The following DICER1 variants were observed in gnomAD, a reference collection of about 807,000 sequenced individuals.
The protein encoded by DICER1 is endoribonuclease Dicer.
Under a neutral mutation model 194.1 loss-of-function variants are expected in DICER1, and 43 were observed. The ratio of observed to expected loss-of-function variants is 0.22; its 90% CI spans 0.17 to 0.29. The LOEUF (loss-of-function observed/expected upper bound fraction) is 0.29. Among genes scored for constraint, DICER1 ranks in the 10% least tolerant of loss-of-function variants. The pLI is 1.00. For synonymous variants in DICER1, 832 were observed against 820.5 expected, an observed-to-expected ratio of 1.01 and a Z score of -0.24; for missense variants, 1,608 against 2,317.0, an observed-to-expected ratio of 0.69 and a Z score of 6.28.
chr14:95,114,359 A>G (rs889765681), intron 11 of DICER1, among the ~76,000 whole-genome samples: 1 of 152,232 alleles, frequency 6.6e-6, no homozygotes, highest in Non-Finnish European at 1.5e-5. Flanking sequence ...TAACATCAAA[A>G]CAAACAGTAA....
At chr14:95,112,351 T>C (rs955423074) in intron 12 of DICER1, 104 bp from the exon 13 acceptor site, 16 of 934,390 alleles carry the variant, frequency 1.7e-5, no homozygotes, top group Non-Finnish European at 2.5e-5. Flanking sequence ...TAAAGTTCAA[T>C]TTACCAAAAC....
intron 1 of DICER1, among the ~76,000 whole-genome samples, chr14:95,151,339 C>T (rs1895499937): frequency 6.6e-6 from 1 of 152,144 alleles, no homozygotes; most frequent in East Asian, 1.9e-4. Flanking sequence ...CTAGACCATA[C>T]ATTTCAATAT....
chr14:95,103,238 A>G, intron 21 of DICER1, 108 bp downstream of exon 21: 2 of 1,274,782 alleles, frequency 1.6e-6, no homozygotes, highest in South Asian at 1.2e-5. Flanking sequence ...CCGGTGTAGC[A>G]ATTTCTGAGC....
chr14:95,107,549 C>T (rs1210186880), intron 17 of DICER1, 59 bp downstream of exon 17: 1 of 1,581,820 alleles, frequency 6.3e-7, no homozygotes. Flanking sequence ...CGTGCCCGAC[C>T]TAGTGCATCT....
At chr14:95,146,361 C>T (rs773092340) in intron 1 of DICER1, among the ~76,000 whole-genome samples, 10 of 152,142 alleles carry the variant, frequency 6.6e-5, no homozygotes, top group South Asian at 4.1e-4. Flanking sequence ...CTGTCAAGCC[C>T]ACCTTTGAGT....
At chr14:95,131,399 G>A (rs1331561573) in intron 4 of DICER1, 110 bp downstream of exon 4, 10 of 1,026,914 alleles carry the variant, frequency 9.7e-6, no homozygotes, top group Non-Finnish European at 1.4e-5. Context: ...ATTAAGTATA[G>A]GAAATTAGTT....
At chr14:95,121,273 C>G (rs960459420) in intron 8 of DICER1, among the ~76,000 whole-genome samples, 1 of 151,982 alleles carries the variant, frequency 6.6e-6, no homozygotes, top group African/African-American at 2.4e-5. Flanking sequence ...TGATATGACA[C>G]CTTGGATTAA....
In DICER1 at chr14:95,132,665, C is replaced by G; in HGVS notation, c.157G>C (p.Glu53Gln). ...ATGGTATTATGATCCAGAGCTGCTT[C>G]AAGCAGTTCAACCTAGAAACATGGT... Reference protein sequence around the residue: ...TPRKYQVELLEAALDHNTIVC... With the variant: ...TPRKYQVELLQAALDHNTIVC... The change falls in exon 3 of 27, where the codon GAA (glutamate) becomes CAA (glutamine). Residue 53 changes from glutamate to glutamine, a missense_variant. Around this residue, in one of 10 missense-constraint regions of DICER1, gnomAD observed 657 missense variants for 910.1 expected, o/e 0.72. Coordinates refer to ENST00000343455, the MANE Select transcript of DICER1 (RefSeq NM_177438.3). 1 of 1,613,898 alleles carries G rather than the reference C, an allele frequency of 6.2e-7. No individual in the cohort carries two copies. The highest frequency in any genetic ancestry group is 8.5e-7 in the Non-Finnish European group (1 of 1,179,896).
In DICER1 at chr14:95,133,309, T is replaced by C; in HGVS notation, c.144+6A>G. 1.9e-6 allele frequency: 3 copies of C among 1,613,980 alleles called. No homozygotes were observed. The highest frequency in any genetic ancestry group is 2.2e-5 in the South Asian group (2 of 91,078). On this transcript the variant is annotated splice_donor_region_variant and intron_variant, in intron 2 of 26. Coordinates refer to ENST00000343455, the MANE Select transcript of DICER1 (RefSeq NM_177438.3). ...AATGCTCCAGTATTAGTGTTCGCAT[T>C]AGTACCTGATATTTTCTTGGCGTAT...
intron 21 of DICER1, among the ~76,000 whole-genome samples, chr14:95,100,445 C>T (rs1335761193): frequency 1.3e-5 from 2 of 152,210 alleles, no homozygotes. Flanking sequence ...ATCGAAGCCA[C>T]AAACGGGATT....
intron 1 of DICER1, among the ~76,000 whole-genome samples, chr14:95,149,091 T>A (rs556177682): frequency 1.3e-5 from 2 of 152,214 alleles, no homozygotes; most frequent in Non-Finnish European, 2.9e-5. Context: ...CTTAACACTG[T>A]GCAACGAGTG....
At position 95,124,141 on chromosome 14, in the gene DICER1, A is replaced by G; in HGVS notation, c.1376+55T>C. 1 of 1,334,366 alleles carries G rather than the reference A, an allele frequency of 7.5e-7. No individual in the cohort carries two copies. The highest frequency in any genetic ancestry group is 1.1e-6 in the Non-Finnish European group (1 of 933,316). 82.7% of individuals were successfully genotyped at this position (1,334,366 alleles called of 1,614,324 possible). A position where few individuals can be genotyped will look rare whatever the true frequency, so the allele number is the denominator to read the frequency against. Reference sequence around the variant, plus strand: ...TACAGCTGCTGCAGCGCATCACATCACAACACAGGACGCCTCCCTGTTCTC... The same window carrying G: ...TACAGCTGCTGCAGCGCATCACATCGCAACACAGGACGCCTCCCTGTTCTC... On this transcript the variant is annotated intron_variant, in intron 8 of 26. Transcript: ENST00000343455. The surrounding 1 kb of genome is among the most constrained non-coding windows in gnomAD (Gnocchi z 4.5).
In DICER1 at chr14:95,088,652, T is replaced by C. The variant is rs1380027975; in HGVS notation, c.*1846A>G. 4.3e-6 allele frequency: 1 copy of C among 232,484 alleles called. No individual in the cohort carries two copies. The highest frequency in any genetic ancestry group is 2.2e-5 in the African/African-American group (1 of 45,392). The allele number at this position is 232,484 out of a possible 1,614,324, so 14.4% of individuals were successfully genotyped here. ...GTCACCTAATTTGCTCAAAAACTCGTTTAATAATTTAGATCTCAATTTAAG... is the reference window on the plus strand; with the variant it reads ...GTCACCTAATTTGCTCAAAAACTCGCTTAATAATTTAGATCTCAATTTAAG... On this transcript the variant is annotated 3_prime_UTR_variant, in exon 27 of 27. Transcript: ENST00000343455.
In DICER1 at chr14:95,146,926, G is replaced by A. The variant is rs986225626; in HGVS notation, c.-46+10304C>T. ...AAAGGGAGGGAGTGAGGAAGGCTAAGAAGGAAAAGGAAGTGAGAAAGGATA... is the reference window on the plus strand; with the variant it reads ...AAAGGGAGGGAGTGAGGAAGGCTAAAAAGGAAAAGGAAGTGAGAAAGGATA... On this transcript the variant is annotated intron_variant, in intron 1 of 26. Transcript: ENST00000343455. Among the ~76,000 whole-genome samples, 10 of 152,304 alleles carry A rather than the reference G, an allele frequency of 6.6e-5. 1 individual carries two copies. The Middle Eastern group carries it at 0.014, about 207-fold the overall frequency.
chr14:95,136,412 C>T (rs182431730), intron 1 of DICER1, among the ~76,000 whole-genome samples: 59 of 152,078 alleles, frequency 3.9e-4, no homozygotes, highest in Non-Finnish European at 5.3e-4. Context: ...GAGAATCACT[C>T]GATCACTCAG....
chr14:95,121,624 T>C (rs1473982618), intron 8 of DICER1, among the ~76,000 whole-genome samples: 2 of 152,184 alleles, frequency 1.3e-5, no homozygotes, highest in Non-Finnish European at 2.9e-5. Context: ...TACTAGTATA[T>C]TACACGGTGA....
chr14:95,127,410 G>A (rs920130415), intron 6 of DICER1, among the ~76,000 whole-genome samples: 1 of 152,158 alleles, frequency 6.6e-6, no homozygotes, highest in African/African-American at 2.4e-5. Context: ...CTTGGGACCT[G>A]AACTGTTTTG....
intron 13 of DICER1, 99 bp from the exon 14 acceptor site, chr14:95,111,555 A>G (rs1298751796): frequency 3.9e-6 from 5 of 1,296,412 alleles, no homozygotes; most frequent in African/African-American, 2.9e-5. Context: ...CTGGAAAAGT[A>G]ATGGAAACTA....
chr14:95,141,591 A>G (rs1482262819), intron 1 of DICER1: 3 of 152,184 alleles, frequency 2.0e-5, no homozygotes, highest in Non-Finnish European at 4.4e-5. Flanking sequence ...TGGAGGTTAA[A>G]GTTCTCATTT....
Sources: gnomAD v4.1 joint callset for allele counts (sites outside exome capture counted in the v4.1 genomes callset) on GRCh38, gnomAD v4.1.1 for gene constraint, gnomAD v4.1.1 regional missense constraint, Gnocchi (gnomAD v3.1) non-coding constraint, MANE v1.5 for transcripts, NCBI Gene and HGNC (gene_info 2026-07-23, HGNC 2026-07-21) for gene names.